CCSER1: variants seen among roughly 807,000 people sequenced by gnomAD.
CCSER1 encodes the protein coiled-coil serine rich protein 1, also known as serine-rich coiled-coil domain-containing protein 1.
A neutral mutation model predicts 82.0 loss-of-function variants in CCSER1; 41 were observed. The ratio of observed to expected loss-of-function variants is 0.50; its 90% confidence interval spans 0.39 to 0.65. CCSER1 has a LOEUF of 0.65. CCSER1 is among the 30% of genes least tolerant of loss of function. CCSER1 has a pLI of 0.00. For missense variants in CCSER1, 1,119 were observed against 1,064.2 expected, an observed-to-expected ratio of 1.05 and a Z score of -0.72; for synonymous variants, 414 against 383.9, an observed-to-expected ratio of 1.08 and a Z score of -0.92.
At chr4:90,496,555 C>G (rs1769033872) in intron 5 of CCSER1, among the ~76,000 whole-genome samples, 1 of 152,102 alleles carries the variant, frequency 6.6e-6, no homozygotes, top group African/African-American at 2.4e-5. Flanking sequence ...TTTATGGAGT[C>G]TTCAGGTTAA....
At chr4:90,553,041 G>A (rs970744329) in intron 5 of CCSER1, among the ~76,000 whole-genome samples, 2 of 151,226 alleles carry the variant, frequency 1.3e-5, no homozygotes, top group Non-Finnish European at 2.9e-5. Context: ...TACAATCTCG[G>A]CTCACTGCAA....
chr4:91,338,615 T>G (rs1747481571), intron 10 of CCSER1, among the ~76,000 whole-genome samples: 1 of 152,194 alleles, frequency 6.6e-6, no homozygotes, highest in East Asian at 1.9e-4. Flanking sequence ...ATAAACAATA[T>G]AGTTAACATA....
intron 10 of CCSER1, among the ~76,000 whole-genome samples, chr4:91,416,869 T>A (rs1056559438): frequency 6.6e-6 from 1 of 152,142 alleles, no homozygotes; most frequent in Non-Finnish European, 1.5e-5. Flanking sequence ...CTACTTAAAC[T>A]AAAGAGTTTC....
intron 4 of CCSER1, among the ~76,000 whole-genome samples, chr4:90,460,865 G>T (rs1762808205): frequency 2.0e-5 from 3 of 152,040 alleles, no homozygotes; most frequent in Admixed American, 1.3e-4. Flanking sequence ...GATATAGACT[G>T]TGACTATATA....
rs1043870713 is a variant in CCSER1, at chr4:91,591,609, A to C, written c.2218-6963A>C. On this transcript the variant is annotated intron_variant, in intron 10 of 10. Transcript: ENST00000509176. ...CTTGCTACTACTACTAAATTACCAA[A>C]ATTTTTTATTTTTATAAATTAGATA... 2.6e-5 allele frequency among the ~76,000 whole-genome samples: 4 copies of C among 152,196 alleles called. No homozygotes were observed. The South Asian group carries it at 6.2e-4, about 24-fold the overall frequency.
At chr4:91,079,435 A>G (rs1054364972) in intron 9 of CCSER1, among the ~76,000 whole-genome samples, 1 of 152,204 alleles carries the variant, frequency 6.6e-6, no homozygotes, top group Non-Finnish European at 1.5e-5. Flanking sequence ...TACTAAACAT[A>G]GAAAGGAACA....
chr4:91,123,992 T>C (rs905224358), intron 10 of CCSER1, among the ~76,000 whole-genome samples: 5 of 151,768 alleles, frequency 3.3e-5, no homozygotes, highest in African/African-American at 7.2e-5. Context: ...TCATATCCAC[T>C]GTGAGCAGGA....
intron 10 of CCSER1, among the ~76,000 whole-genome samples, chr4:91,198,816 A>T (rs1735666556): frequency 6.6e-6 from 1 of 152,324 alleles, no homozygotes; most frequent in South Asian, 2.1e-4. Flanking sequence ...GAGTTTAAGC[A>T]AAAGGGTTTT....
At chr4:90,367,167 G>C (rs951633178) in intron 3 of CCSER1, among the ~76,000 whole-genome samples, 3 of 151,696 alleles carry the variant, frequency 2.0e-5, no homozygotes, top group Admixed American at 6.6e-5. Context: ...CGGTAACAAA[G>C]AGTGGAACAA....
chr4:90,164,519 C>T (rs1178760551), intron 1 of CCSER1, among the ~76,000 whole-genome samples: 1 of 151,902 alleles, frequency 6.6e-6, no homozygotes, highest in Non-Finnish European at 1.5e-5. Flanking sequence ...GCTGAAGTAG[C>T]ACAGATAGTA....
chr4:90,242,357 G>T (rs1747032138), intron 1 of CCSER1, among the ~76,000 whole-genome samples: 1 of 152,106 alleles, frequency 6.6e-6, no homozygotes, highest in South Asian at 2.1e-4. Flanking sequence ...GGACCTAGGA[G>T]TACTCTTAGG....
At chr4:90,376,627 T>C (rs1484518436) in intron 3 of CCSER1, among the ~76,000 whole-genome samples, 2 of 152,172 alleles carry the variant, frequency 1.3e-5, no homozygotes, top group Non-Finnish European at 2.9e-5. Context: ...GTCAGTCTCT[T>C]ATTGCTGCTC....
At chr4:90,298,313 T>C (rs1232268449) in intron 1 of CCSER1, among the ~76,000 whole-genome samples, 5 of 152,310 alleles carry the variant, frequency 3.3e-5, no homozygotes, top group Non-Finnish European at 7.3e-5. Flanking sequence ...GATGTTAGTT[T>C]GTATTTCTGT....
At chr4:91,474,637 T>C (rs1361719057) in intron 10 of CCSER1, among the ~76,000 whole-genome samples, 1 of 151,482 alleles carries the variant, frequency 6.6e-6, no homozygotes, top group East Asian at 1.9e-4. Flanking sequence ...ATGGGATATG[T>C]TGCAATCTAT....
At chr4:90,853,468 C>A (rs1292407989) in intron 8 of CCSER1, among the ~76,000 whole-genome samples, 1 of 151,934 alleles carries the variant, frequency 6.6e-6, no homozygotes, top group Non-Finnish European at 1.5e-5. Context: ...ATTAAAAATC[C>A]AATTTAACAT....
chr4:90,404,197 C>T (rs962567490), intron 4 of CCSER1: 2 of 152,226 alleles, frequency 1.3e-5, no homozygotes, highest in African/African-American at 4.8e-5. Flanking sequence ...GACAGCTTTC[C>T]CCAGCTTCCC....
chr4:90,494,864 T>G (rs979276115), intron 5 of CCSER1, among the ~76,000 whole-genome samples: 3 of 151,900 alleles, frequency 2.0e-5, no homozygotes, highest in Admixed American at 1.3e-4. Context: ...GGGTAGATTT[T>G]TTTTTTCCTT....
At chr4:90,340,870 A>G (rs1219828460) in intron 3 of CCSER1, among the ~76,000 whole-genome samples, 1 of 152,144 alleles carries the variant, frequency 6.6e-6, no homozygotes, top group Non-Finnish European at 1.5e-5. Flanking sequence ...ATGAGCAGTC[A>G]GTTCATCTTG....
chr4:91,363,260 A>G (rs1749372578), intron 10 of CCSER1, among the ~76,000 whole-genome samples: 2 of 151,914 alleles, frequency 1.3e-5, no homozygotes, highest in African/African-American at 4.8e-5. Context: ...AAAGACCTAT[A>G]GTTTACGTCT....
Sources: gnomAD v4.1 joint callset for allele counts (sites outside exome capture counted in the v4.1 genomes callset) on GRCh38, gnomAD v4.1.1 for gene constraint, MANE v1.5 for transcripts, NCBI Gene and HGNC (gene_info 2026-07-23, HGNC 2026-07-21) for gene names.